The following NEGR1 variants were observed in gnomAD, a reference collection of about 807,000 sequenced individuals.
NEGR1 encodes the protein neuronal growth regulator 1, also known as IgLON family member 4.
In NEGR1, 10 loss-of-function variants were observed where a neutral mutation model predicts 40.9. The ratio of observed to expected loss-of-function variants is 0.24; its 90% CI spans 0.15 to 0.42. NEGR1 has a LOEUF of 0.42. Ranked by LOEUF, NEGR1 falls within the 10% of genes least tolerant of loss-of-function variation. The probability of loss-of-function intolerance (pLI) is 1.00; values close to 1 mark genes in which losing one functional copy is unlikely to be tolerated. For synonymous variants in NEGR1, 185 were observed against 166.8 expected (o/e 1.11, Z -0.84); for missense variants, 352 against 438.9 (o/e 0.80, Z 1.77).
intron 3 of NEGR1, among the ~76,000 whole-genome samples, chr1:71,760,871 A>G (rs1205991208): frequency 6.6e-6 from 1 of 152,188 alleles, no homozygotes; most frequent in Admixed American, 6.5e-5. Flanking sequence ...CTTCCTTTGA[A>G]TAAAGAGGAA....
intron 2 of NEGR1, among the ~76,000 whole-genome samples, chr1:71,910,910 C>T (rs1415308073): frequency 6.6e-6 from 1 of 152,086 alleles, no homozygotes; most frequent in East Asian, 1.9e-4. Flanking sequence ...GTTGCCCAGG[C>T]TGGTTTCAAA....
chr1:71,507,370 C>T (rs906775158), intron 6 of NEGR1, among the ~76,000 whole-genome samples: 1 of 152,096 alleles, frequency 6.6e-6, no homozygotes, highest in African/African-American at 2.4e-5. Flanking sequence ...ATAAATAAAC[C>T]TCTAATTAAA....
intron 6 of NEGR1, among the ~76,000 whole-genome samples, chr1:71,539,096 C>A (rs1049176480): frequency 6.6e-6 from 1 of 151,662 alleles, no homozygotes; most frequent in South Asian, 2.1e-4. Context: ...TACTTAGGAG[C>A]CACTCATTTT....
At chr1:71,935,439 C>T (rs1645896166) in intron 1 of NEGR1, 128 bp from the exon 2 acceptor site, 12 of 653,294 alleles carry the variant, frequency 1.8e-5, no homozygotes, top group Non-Finnish European at 3.2e-5. Flanking sequence ...CAGACATTAA[C>T]TCAGGAAACA....
intron 4 of NEGR1, among the ~76,000 whole-genome samples, chr1:71,654,875 T>C (rs1467833286): frequency 6.6e-6 from 1 of 152,154 alleles, no homozygotes; most frequent in Non-Finnish European, 1.5e-5. Context: ...ACTAAATATT[T>C]TCCCACTGAG....
At chr1:71,792,855 C>T (rs994138955) in intron 2 of NEGR1, among the ~76,000 whole-genome samples, 2 of 152,012 alleles carry the variant, frequency 1.3e-5, no homozygotes, top group African/African-American at 2.4e-5. Flanking sequence ...AAGAACTTTT[C>T]TTTTGTAGTA....
At chr1:71,806,317 G>C (rs185784626) in intron 2 of NEGR1, among the ~76,000 whole-genome samples, 1 of 152,062 alleles carries the variant, frequency 6.6e-6, no homozygotes, top group African/African-American at 2.4e-5. Context: ...TTAAAGTTCT[G>C]TCTTTCATAC....
At chr1:71,525,062 A>T (rs1240500095) in intron 6 of NEGR1, among the ~76,000 whole-genome samples, 1 of 151,788 alleles carries the variant, frequency 6.6e-6, no homozygotes, top group African/African-American at 2.4e-5. Flanking sequence ...ATGTTGTTTT[A>T]AGCCACCATA....
intron 3 of NEGR1, among the ~76,000 whole-genome samples, chr1:71,724,316 CT>C (rs1388120993): frequency 6.6e-6 from 1 of 152,034 alleles, no homozygotes. Context: ...CATTTAGGGT[CT>C]TTTAAAAAAT....
Position 72,175,685 on chromosome 1 carries a change from A to T in NEGR1, c.176+106634T>A, listed in dbSNP as rs1009804473. Among the ~76,000 whole-genome samples, 7 of 136,916 alleles carry T rather than the reference A, an allele frequency of 5.1e-5. No individual in the cohort carries two copies. The South Asian group carries it at 1.3e-3, about 26-fold the overall frequency. 89.8% of individuals were successfully genotyped at this position (136,916 alleles called of 152,430 possible). On this transcript the variant is annotated intron_variant, in intron 1 of 6. Transcript: ENST00000357731. The stretch of plus-strand genomic sequence containing the variant: ...CATGTGTTTAAACTAGGGGTAAATT[A>T]AAAAAAAAACACATGTGAACACAAG...
At chr1:71,790,084 G>T (rs1657055493) in intron 2 of NEGR1, among the ~76,000 whole-genome samples, 1 of 152,080 alleles carries the variant, frequency 6.6e-6, no homozygotes, top group Admixed American at 6.6e-5. Context: ...TACTTACGAA[G>T]AAAGAAAATT....
chr1:72,179,036 T>C (rs1023063046), intron 1 of NEGR1, among the ~76,000 whole-genome samples: 7 of 151,858 alleles, frequency 4.6e-5, no homozygotes, highest in Admixed American at 2.6e-4. Context: ...ATTTTAGAGG[T>C]TTTTTCATAA....
Position 71,404,811 on chromosome 1 carries a change from C to T in NEGR1, c.*2635G>A, listed in dbSNP as rs1263556523. 2.0e-5 allele frequency: 3 copies of T among 152,150 alleles called. No individual in the cohort carries two copies. The highest frequency in any genetic ancestry group is 4.4e-5 in the Non-Finnish European group (3 of 67,746). 9.4% of individuals were successfully genotyped at this position (152,150 alleles called of 1,614,324 possible). ...TAAATCAATTTATAAAACTGCTATT[C>T]TGAAATTGCAACAATCTTGTACAGT... On this transcript the variant is annotated 3_prime_UTR_variant, in exon 7 of 7. Coordinates refer to ENST00000357731, the MANE Select transcript of NEGR1 (RefSeq NM_173808.3).
At chr1:72,078,358 T>C (rs905251215) in intron 1 of NEGR1, among the ~76,000 whole-genome samples, 2 of 152,124 alleles carry the variant, frequency 1.3e-5, no homozygotes, top group African/African-American at 4.8e-5. Flanking sequence ...TTCAACCTTT[T>C]ACCTTTGAGC....
In NEGR1 at chr1:71,529,317, T is replaced by A. The variant is rs1405502773; in HGVS notation, c.940+63500A>T. On this transcript the variant is annotated intron_variant, in intron 6 of 6. Coordinates refer to ENST00000357731, the MANE Select transcript of NEGR1 (RefSeq NM_173808.3). The stretch of plus-strand genomic sequence containing the variant: ...AATTTTAACTTTTTAGATTATTAGC[T>A]TGATGCTTTAGAGATAATTATGACC... Among the ~76,000 whole-genome samples the A allele has an allele frequency of 3.8e-4, 57 of 151,358 alleles. 1 individual carries two copies.
intron 1 of NEGR1, among the ~76,000 whole-genome samples, chr1:72,145,059 G>A (rs1297419349): frequency 6.6e-6 from 1 of 151,988 alleles, no homozygotes; most frequent in Non-Finnish European, 1.5e-5. Flanking sequence ...CTGTTTGGAA[G>A]ACATCTGAAG....
In NEGR1 at chr1:71,416,518, A is replaced by T. The variant is rs528999869; in HGVS notation, c.941-8948T>A. On this transcript the variant is annotated intron_variant, in intron 6 of 6. Transcript: ENST00000357731. ...TCCAGTGAAATGAAGGCCAGTGATT[A>T]TCTGGCCTTGTAGTTCTGATTTACT... 3.3e-5 allele frequency among the ~76,000 whole-genome samples: 5 copies of T among 152,206 alleles called. No individual in the cohort carries two copies. In the East Asian group the frequency reaches 9.7e-4, roughly 29 times the overall value.
rs112790373 is a variant in NEGR1, at chr1:71,947,138, G to GTA, written c.177-11829_177-11828dup. Among the ~76,000 whole-genome samples the GTA allele has an allele frequency of 2.9e-3, 403 of 140,884 alleles. 1 individual carries two copies. Among genetic ancestry groups the GTA allele is most frequent in the African/African-American group, 8.7e-3 (335 of 38,522 alleles). The allele number at this position is 140,884 out of a possible 152,430, so 92.4% of individuals were successfully genotyped here. On this transcript the variant is annotated intron_variant, in intron 1 of 6. Transcript: ENST00000357731. ...CACACACACACACACACACGTATAT[G>GTA]TATATATATATGGATAACTTTATAT... is the stretch of plus-strand genomic sequence containing the variant.
intron 6 of NEGR1, among the ~76,000 whole-genome samples, chr1:71,452,941 C>A (rs1646639697): frequency 6.6e-6 from 1 of 152,078 alleles, no homozygotes; most frequent in South Asian, 2.1e-4. Context: ...AGTCCTTTGA[C>A]TTCCAAGAAG....
Sources: allele counts gnomAD v4.1 joint callset (sites outside exome capture counted in the v4.1 genomes callset), GRCh38; gene constraint gnomAD v4.1.1; transcripts MANE v1.5; gene names NCBI Gene and HGNC (gene_info 2026-07-23, HGNC 2026-07-21).